PLCE1: variants seen among roughly 807,000 people sequenced by gnomAD.
PLCE1 encodes phospholipase C epsilon 1.
A neutral mutation model predicts 242.8 loss-of-function variants in PLCE1; 119 were observed. That is an observed-to-expected ratio of 0.49 (90% CI 0.42 to 0.57). The LOEUF (loss-of-function observed/expected upper bound fraction) is 0.57. Ranked by LOEUF, PLCE1 falls within the 20% of genes least tolerant of loss-of-function variation. The probability of loss-of-function intolerance (pLI) is 0.00; values close to 1 mark genes in which losing one functional copy is unlikely to be tolerated. For synonymous variants in PLCE1, 945 were observed against 1,017.4 expected, an observed-to-expected ratio of 0.93 and a Z score of 1.35; for missense variants, 2,441 against 2,788.8, an observed-to-expected ratio of 0.88 and a Z score of 2.81.
At chr10:94,198,267 GT>G (rs1298372630) in intron 4 of PLCE1, among the ~76,000 whole-genome samples, 1 of 152,114 alleles carries the variant, frequency 6.6e-6, no homozygotes, top group Non-Finnish European at 1.5e-5. Flanking sequence ...GAGAAAATCA[GT>G]TTTTTCCTGA....
At chr10:94,079,161 G>A (rs2044587088) in intron 2 of PLCE1, among the ~76,000 whole-genome samples, 2 of 152,112 alleles carry the variant, frequency 1.3e-5, no homozygotes, top group Non-Finnish European at 2.9e-5. Flanking sequence ...CTCTCAAGGG[G>A]CTACACTTGG....
intron 3 of PLCE1, 33 bp downstream of exon 3, chr10:94,132,492 T>C: frequency 1.3e-6 from 2 of 1,590,736 alleles, no homozygotes; most frequent in Non-Finnish European, 1.7e-6. Context: ...TAACTTTCTA[T>C]CTTTGACTAC....
chr10:94,255,864 CT>C (rs1338317469), intron 11 of PLCE1, among the ~76,000 whole-genome samples: 1 of 146,856 alleles, frequency 6.8e-6, no homozygotes, highest in African/African-American at 2.5e-5. Flanking sequence ...AAAACAGGAA[CT>C]CTTTACTTTA....
At chr10:94,158,685 G>A (rs1382245941) in intron 3 of PLCE1, among the ~76,000 whole-genome samples, 1 of 151,878 alleles carries the variant, frequency 6.6e-6, no homozygotes, top group African/African-American at 2.4e-5. Context: ...AGAGTCGGGG[G>A]AAAAGTGCAC....
At chr10:94,258,424 G>C (rs551771229) in intron 11 of PLCE1, among the ~76,000 whole-genome samples, 10 of 152,282 alleles carry the variant, frequency 6.6e-5, no homozygotes, top group African/African-American at 2.4e-4. Flanking sequence ...AAAAGAACGT[G>C]CATTATTTCC....
At chr10:94,195,617 T>A (rs2048796116) in intron 4 of PLCE1, among the ~76,000 whole-genome samples, 1 of 152,176 alleles carries the variant, frequency 6.6e-6, no homozygotes. Context: ...ATGACATTCA[T>A]GTAACTCCCT....
intron 32 of PLCE1, among the ~76,000 whole-genome samples, chr10:94,326,224 G>A (rs2054010072): frequency 1.3e-5 from 2 of 152,154 alleles, no homozygotes; most frequent in African/African-American, 4.8e-5. Context: ...TTCACCATCT[G>A]CCTTTATGAC....
At chr10:94,299,191 T>A (rs1350438622) in intron 24 of PLCE1, among the ~76,000 whole-genome samples, 1 of 152,230 alleles carries the variant, frequency 6.6e-6, no homozygotes, top group Admixed American at 6.5e-5. Context: ...ACAGAGTAAG[T>A]AGTGATCATG....
chr10:94,307,027 C>T (rs773461937), intron 26 of PLCE1, among the ~76,000 whole-genome samples: 3 of 152,044 alleles, frequency 2.0e-5, no homozygotes, highest in Non-Finnish European at 2.9e-5. Flanking sequence ...TCAGAGGGGT[C>T]GGGTGTGGTG....
At chr10:94,233,004 G>T (rs938005190) in intron 5 of PLCE1, among the ~76,000 whole-genome samples, 4 of 152,166 alleles carry the variant, frequency 2.6e-5, no homozygotes, top group African/African-American at 9.7e-5. Flanking sequence ...TCACAGAAAG[G>T]TGAGCTCTCC....
chr10:94,071,358 C>T (rs957688566), intron 2 of PLCE1, among the ~76,000 whole-genome samples: 1 of 152,102 alleles, frequency 6.6e-6, no homozygotes, highest in Non-Finnish European at 1.5e-5. Context: ...CTTCTTACTC[C>T]CCGCACATTC....
intron 2 of PLCE1, among the ~76,000 whole-genome samples, chr10:94,064,078 T>C (rs2044134431): frequency 6.6e-6 from 1 of 152,158 alleles, no homozygotes; most frequent in Non-Finnish European, 1.5e-5. Context: ...TTAACCTTGA[T>C]ATTTCTTAAC....
intron 27 of PLCE1, among the ~76,000 whole-genome samples, chr10:94,309,435 A>G (rs1283380685): frequency 1.3e-5 from 2 of 151,970 alleles, no homozygotes; most frequent in African/African-American, 2.4e-5. Flanking sequence ...GGCTCAAGCA[A>G]TTCTCCCACC....
chr10:94,084,654 G>A (rs2044752175), intron 2 of PLCE1, among the ~76,000 whole-genome samples: 1 of 152,186 alleles, frequency 6.6e-6, no homozygotes, highest in African/African-American at 2.4e-5. Context: ...CTTGTCTGGT[G>A]TCCATACATC....
intron 4 of PLCE1, among the ~76,000 whole-genome samples, chr10:94,184,133 A>G (rs904557747): frequency 5.9e-5 from 9 of 152,200 alleles, no homozygotes; most frequent in Non-Finnish European, 4.4e-5. Context: ...CATTGCACTT[A>G]TCTCCAGCAC....
chr10:94,031,646 T>C lies in PLCE1; in HGVS notation c.600T>C (p.Thr200=). 2 of 1,613,858 alleles carry C rather than the reference T, an allele frequency of 1.2e-6. No individual in the cohort carries two copies. Among genetic ancestry groups the C allele is most frequent in the Non-Finnish European group, 1.7e-6 (2 of 1,179,882 alleles). ...HYEVDRRMSD[T]FCTLSENLIL... is the part of the protein sequence containing the mutation. ...AAGTTGACAGAAGAATGTCAGACAC[T>C]TTCTGTACCCTATCAGAAAACTTAA... Residue 200 remains threonine, a synonymous_variant, in exon 2 of 33, where the codon ACT becomes ACC. Coordinates refer to ENST00000371380, the MANE Select transcript of PLCE1 (RefSeq NM_016341.4).
At chr10:94,210,219 G>A (rs894830231) in intron 4 of PLCE1, among the ~76,000 whole-genome samples, 3 of 148,580 alleles carry the variant, frequency 2.0e-5, no homozygotes, top group Non-Finnish European at 4.4e-5. Flanking sequence ...TATCATCTAT[G>A]CCGTAAGCAC....
intron 4 of PLCE1, among the ~76,000 whole-genome samples, chr10:94,188,918 T>C (rs929133176): frequency 5.3e-5 from 8 of 151,898 alleles, no homozygotes; most frequent in Non-Finnish European, 1.2e-4. Flanking sequence ...TATAGCATTT[T>C]GATAGACATT....
intron 2 of PLCE1, among the ~76,000 whole-genome samples, chr10:94,054,610 G>A (rs2043851710): frequency 1.3e-5 from 2 of 152,096 alleles, no homozygotes; most frequent in Non-Finnish European, 2.9e-5. Flanking sequence ...ATAGTTGTTC[G>A]AATTAATAAC....
Sources: allele counts gnomAD v4.1 joint callset (sites outside exome capture counted in the v4.1 genomes callset), GRCh38; gene constraint gnomAD v4.1.1; transcripts MANE v1.5; gene names NCBI Gene and HGNC (gene_info 2026-07-23, HGNC 2026-07-21).